ANO6: variants seen among roughly 807,000 people sequenced by gnomAD.
The protein encoded by ANO6 is anoctamin 6.
ANO6 carries 106 observed loss-of-function variants against 117.5 expected under a neutral mutation model. The observed-to-expected ratio is 0.90, with a 90% CI of 0.77 to 1.06. ANO6 has a LOEUF of 1.06. Ranked by LOEUF, ANO6 falls within the 50% of genes least tolerant of loss-of-function variation. The pLI is 0.00. For missense variants in ANO6, 955 were observed against 1,121.1 expected (o/e 0.85, Z 2.12); for synonymous variants, 367 against 385.1 (o/e 0.95, Z 0.55).
chr12:45,435,437 A>G (rs1314698359), downstream of ANO6, among the ~76,000 whole-genome samples: 1 of 152,212 alleles, frequency 6.6e-6, no homozygotes, highest in African/African-American at 2.4e-5. Flanking sequence ...CAGTCCTCCA[A>G]ACATTTTCTT....
chr12:45,370,630 G>GT (rs995554953), intron 9 of ANO6, among the ~76,000 whole-genome samples: 57 of 152,272 alleles, frequency 3.7e-4, no homozygotes, highest in African/African-American at 1.3e-3. Flanking sequence ...ATGCAGAACT[G>GT]TTTTTTATGG....
At position 45,331,421 on chromosome 12, in the gene ANO6, A is replaced by T. The variant is rs1263310657; in HGVS notation, c.277A>T (p.Arg93Trp). 1.2e-6 allele frequency: 2 copies of T among 1,602,524 alleles called. No homozygotes were observed. Among genetic ancestry groups the T allele is most frequent in the Admixed American group, 3.4e-5 (2 of 59,110 alleles). ...TNKKGTNEKQ[R>W]RKRQAYESNL... ...TAAAAAGGGTACAAATGAAAAACAA[A>T]GGGTAAGTTTTTATGCTATTTTCCT... The change falls in exon 3 of 20, where the codon AGG (arginine) becomes TGG (tryptophan). Residue 93 changes from arginine (R) to tryptophan (W), a missense_variant and splice_region_variant. Transcript: ENST00000320560.
rs1943636774 is a variant in ANO6 at position 45,431,687 on chromosome 12, TAAAG to T, written c.*2380_*2383del. On this transcript the variant is annotated 3_prime_UTR_variant, in exon 20 of 20. Coordinates refer to ENST00000320560, the MANE Select transcript of ANO6 (RefSeq NM_001025356.3). The stretch of plus-strand genomic sequence containing the variant: ...TGAGTCCACGGCTGACTTGCAGTGA[TAAAG>T]AAAAGCATGGAGCTGTGTCTGCAGA... The T allele has an allele frequency of 2.0e-6, 2 of 985,278 alleles. No homozygotes were observed. The highest frequency in any genetic ancestry group is 4.7e-5 in the South Asian group (1 of 21,286). 61.0% of individuals were successfully genotyped at this position (985,278 alleles called of 1,614,324 possible).
chr12:45,371,189 G>A (rs566781899), intron 9 of ANO6, among the ~76,000 whole-genome samples: 58 of 152,308 alleles, frequency 3.8e-4, no homozygotes, highest in Non-Finnish European at 7.8e-4. Flanking sequence ...ATTATATCCC[G>A]CACCTGGCTC....
At chr12:45,426,403 A>C (rs1220618468) in intron 19 of ANO6, among the ~76,000 whole-genome samples, 1 of 152,098 alleles carries the variant, frequency 6.6e-6, no homozygotes, top group Non-Finnish European at 1.5e-5. Context: ...TTACCTCACC[A>C]GTCCTGCTTC....
At chr12:45,348,938 C>G (rs1223267821) in intron 6 of ANO6, among the ~76,000 whole-genome samples, 1 of 152,106 alleles carries the variant, frequency 6.6e-6, no homozygotes, top group East Asian at 1.9e-4. Flanking sequence ...AAATGCCTGC[C>G]CTGCCACTTT....
In ANO6 at chr12:45,430,265, A is replaced by G. The variant is rs1943601898; in HGVS notation, c.*954A>G. On this transcript the variant is annotated 3_prime_UTR_variant, in exon 20 of 20. Coordinates refer to ENST00000320560, the MANE Select transcript of ANO6 (RefSeq NM_001025356.3). ...CAGTTGACTTTTATTCATTAGATAC[A>G]GAAGGTGCAGTATTACACATCACCA... The G allele has an allele frequency of 3.0e-6, 3 of 985,360 alleles. No individual in the cohort carries two copies. Among genetic ancestry groups the G allele is most frequent in the Non-Finnish European group, 3.6e-6 (3 of 829,958 alleles). 61.0% of individuals were successfully genotyped at this position (985,360 alleles called of 1,614,324 possible).
rs77943173 is a variant in ANO6, at chr12:45,308,375, G to A, written c.150+6282G>A. Among the ~76,000 whole-genome samples the A allele has an allele frequency of 9.6e-3, 1,460 of 152,124 alleles. 25 individuals are homozygous for A. The highest frequency in any genetic ancestry group is 0.033 in the African/African-American group (1,374 of 41,504). On this transcript the variant is annotated intron_variant, in intron 2 of 19. Coordinates refer to ENST00000320560, the MANE Select transcript of ANO6 (RefSeq NM_001025356.3). ...GAAATTAGTTCAGTAGATTTGATAG[G>A]AGATTGCGGAAGCTTTTTCTTGATT...
intron 1 of ANO6, among the ~76,000 whole-genome samples, chr12:45,236,278 A>G (rs984012716): frequency 7.2e-5 from 11 of 152,192 alleles, no homozygotes; most frequent in African/African-American, 2.7e-4. Context: ...CATGTGCACA[A>G]CATTTAGGTT....
At chr12:45,420,452 C>T (rs1943329616) in intron 17 of ANO6, among the ~76,000 whole-genome samples, 1 of 147,014 alleles carries the variant, frequency 6.8e-6, no homozygotes, top group African/African-American at 2.7e-5. Context: ...CCTATCTCTA[C>T]AAAAAATGTT....
At chr12:45,359,294 T>C (rs906906415) in intron 8 of ANO6, among the ~76,000 whole-genome samples, 3 of 152,242 alleles carry the variant, frequency 2.0e-5, no homozygotes, top group Non-Finnish European at 4.4e-5. Flanking sequence ...TTCTTGTGAA[T>C]CTACTCAGTA....
At chr12:45,252,584 A>G (rs1336523151) in intron 1 of ANO6, among the ~76,000 whole-genome samples, 1 of 152,158 alleles carries the variant, frequency 6.6e-6, no homozygotes, top group Admixed American at 6.5e-5. Flanking sequence ...TTGGCTGACA[A>G]TCAGTGTTCT....
intron 10 of ANO6, among the ~76,000 whole-genome samples, chr12:45,386,689 C>T (rs1159240304): frequency 2.6e-5 from 4 of 152,220 alleles, no homozygotes; most frequent in Non-Finnish European, 5.9e-5. Flanking sequence ...TTGTGATGTG[C>T]CCCTGCAGAG....
At chr12:45,298,929 T>C (rs749628582) in intron 1 of ANO6, among the ~76,000 whole-genome samples, 8 of 152,044 alleles carry the variant, frequency 5.3e-5, no homozygotes, top group Non-Finnish European at 1.0e-4. Context: ...TATCTAATCA[T>C]CTAGGAATCT....
intron 7 of ANO6, among the ~76,000 whole-genome samples, chr12:45,353,129 A>G (rs1941325090): frequency 6.7e-6 from 1 of 150,304 alleles, no homozygotes; most frequent in African/African-American, 2.5e-5. Flanking sequence ...TACTTATATC[A>G]GAAGGTATAT....
intron 2 of ANO6, among the ~76,000 whole-genome samples, chr12:45,304,554 G>A (rs1453117793): frequency 6.6e-6 from 1 of 152,158 alleles, no homozygotes; most frequent in Non-Finnish European, 1.5e-5. Flanking sequence ...GAGTTGAACC[G>A]AAATAAAGCA....
intron 2 of ANO6, among the ~76,000 whole-genome samples, chr12:45,306,457 G>A (rs924532377): frequency 2.0e-5 from 3 of 152,082 alleles, no homozygotes; most frequent in Non-Finnish European, 4.4e-5. Context: ...GAAGATTAAA[G>A]GAGAACAAAT....
At chr12:45,234,330 T>C (rs1262305190) in intron 1 of ANO6, among the ~76,000 whole-genome samples, 1 of 152,068 alleles carries the variant, frequency 6.6e-6, no homozygotes, top group Non-Finnish European at 1.5e-5. Context: ...GGGAACTGTT[T>C]GCAGACTCTC....
intron 15 of ANO6, among the ~76,000 whole-genome samples, chr12:45,406,179 C>G (rs1170536878): frequency 6.6e-6 from 1 of 152,180 alleles, no homozygotes; most frequent in Non-Finnish European, 1.5e-5. Flanking sequence ...TGGGGCCTCC[C>G]CAGTACCTGG....
Sources: gnomAD v4.1 joint callset for allele counts (sites outside exome capture counted in the v4.1 genomes callset) on GRCh38, gnomAD v4.1.1 for gene constraint, MANE v1.5 for transcripts, NCBI Gene and HGNC (gene_info 2026-07-23, HGNC 2026-07-21) for gene names.